The following NHSL3 variants were observed in gnomAD, a reference collection of about 807,000 sequenced individuals.
The protein encoded by NHSL3 is NHS like 3.
the NHSL3 span, among the ~76,000 whole-genome samples, chr1:32,764,554 G>A: frequency 6.7e-6 from 1 of 149,736 alleles, no homozygotes; most frequent in Non-Finnish European, 1.5e-5. Flanking sequence ...TGCAGTCTTC[G>A]GCTCCCAGGT....
chr1:32,768,720 G>A, the NHSL3 span: 26 of 1,614,196 alleles, frequency 1.6e-5, no homozygotes, highest in South Asian at 2.9e-4. Flanking sequence ...ACGTGGCTGA[G>A]AGCTCCACAG....
At chr1:32,771,497 C>T in the NHSL3 span, 3 of 1,586,646 alleles carry the variant, frequency 1.9e-6, no homozygotes, top group East Asian at 2.2e-5. Flanking sequence ...CCCCCTCCCC[C>T]ACCCCCTGCC....
At chr1:32,761,942 C>G in the NHSL3 span, among the ~76,000 whole-genome samples, 136 of 152,240 alleles carry the variant, frequency 8.9e-4, no homozygotes, top group African/African-American at 3.2e-3. Context: ...GTAGCTGGCA[C>G]AGTGCACAGA....
the NHSL3 span, among the ~76,000 whole-genome samples, chr1:32,757,901 C>G: frequency 6.6e-6 from 1 of 152,252 alleles, no homozygotes; most frequent in Admixed American, 6.5e-5. Flanking sequence ...GGCCCCGGCC[C>G]CGGGGGATTT....
chr1:32,766,632 A>G, the NHSL3 span, among the ~76,000 whole-genome samples: 1 of 152,150 alleles, frequency 6.6e-6, no homozygotes, highest in South Asian at 2.1e-4. Context: ...GGAGGAGGAA[A>G]GGCAGGTTTC....
the NHSL3 span, chr1:32,768,795 A>G: frequency 3.1e-6 from 5 of 1,611,618 alleles, no homozygotes; most frequent in Non-Finnish European, 4.2e-6. Context: ...TGGGCAGGGG[A>G]GAGGGACAGT....
the NHSL3 span, among the ~76,000 whole-genome samples, chr1:32,756,087 T>G: frequency 6.6e-6 from 1 of 152,160 alleles, no homozygotes; most frequent in Non-Finnish European, 1.5e-5. Flanking sequence ...CTGCTGCAAC[T>G]TATGGGTCAA....
At chr1:32,755,599 A>G in the NHSL3 span, among the ~76,000 whole-genome samples, 2 of 152,122 alleles carry the variant, frequency 1.3e-5, no homozygotes, top group Non-Finnish European at 2.9e-5. Flanking sequence ...ACTTCTTGGG[A>G]CACTTACTGT....
At chr1:32,761,559 G>A in the NHSL3 span, among the ~76,000 whole-genome samples, 41 of 152,246 alleles carry the variant, frequency 2.7e-4, no homozygotes, top group Admixed American at 2.6e-3. Flanking sequence ...GTCCTGTGTG[G>A]TGAAAGGCTC....
the NHSL3 span, chr1:32,771,343 G>A: frequency 6.3e-7 from 1 of 1,593,770 alleles, no homozygotes; most frequent in South Asian, 1.1e-5. Flanking sequence ...GGAGTCTCCT[G>A]TCATCTCCAA....
chr1:32,762,622 T>C, the NHSL3 span, among the ~76,000 whole-genome samples: 2 of 151,992 alleles, frequency 1.3e-5, no homozygotes, highest in African/African-American at 2.4e-5. Flanking sequence ...ATTTTTTTGC[T>C]CTCTTGCCCA....
At chr1:32,742,114 G>A in the NHSL3 span, 2 of 1,249,604 alleles carry the variant, frequency 1.6e-6, no homozygotes, top group South Asian at 3.2e-5. Flanking sequence ...GGCGGGGGCC[G>A]AGGGCGCCGA....
At chr1:32,753,986 G>A in the NHSL3 span, 1 of 381,134 alleles carries the variant, frequency 2.6e-6, no homozygotes, top group Non-Finnish European at 4.8e-6. Context: ...GGGCGCCCGC[G>A]GTGCCCGCCC....
At chr1:32,747,851 A>T in the NHSL3 span, among the ~76,000 whole-genome samples, 5,504 of 152,194 alleles carry the variant, frequency 0.036, 342 homozygotes, top group African/African-American at 0.12. Flanking sequence ...TCACGCCTGT[A>T]ATCCCAGTGC....
the NHSL3 span, chr1:32,771,229 GC>G: frequency 6.2e-7 from 1 of 1,611,626 alleles, no homozygotes; most frequent in South Asian, 1.1e-5. Flanking sequence ...TAACCCAGCT[GC>G]CCCTGCTCTA....
At chr1:32,758,870 C>G in the NHSL3 span, among the ~76,000 whole-genome samples, 1 of 152,174 alleles carries the variant, frequency 6.6e-6, no homozygotes, top group Non-Finnish European at 1.5e-5. Flanking sequence ...GAGATCTGGT[C>G]TGGGCCTGGA....
the NHSL3 span, among the ~76,000 whole-genome samples, chr1:32,762,623 C>T: frequency 6.6e-6 from 1 of 151,576 alleles, no homozygotes; most frequent in Admixed American, 6.6e-5. Context: ...TTTTTTTGCT[C>T]TCTTGCCCAG....
At chr1:32,769,838 A>T in the NHSL3 span, 1 of 1,611,104 alleles carries the variant, frequency 6.2e-7, no homozygotes, top group Non-Finnish European at 8.5e-7. Flanking sequence ...AGCCTTGGTC[A>T]TCCCCTCTCT....
At chr1:32,756,611 C>T in the NHSL3 span, among the ~76,000 whole-genome samples, 5 of 131,714 alleles carry the variant, frequency 3.8e-5, no homozygotes, top group Non-Finnish European at 7.7e-5. Flanking sequence ...GTGAGCCGAT[C>T]GTGCCAGTGC....
Sources: gnomAD v4.1 joint callset for allele counts (sites outside exome capture counted in the v4.1 genomes callset) on GRCh38, gnomAD v4.1.1 for gene constraint, MANE v1.5 for transcripts, NCBI Gene and HGNC (gene_info 2026-07-23, HGNC 2026-07-21) for gene names.